SACS: variants seen among roughly 807,000 people sequenced by gnomAD.
SACS encodes the protein sacsin molecular chaperone, also known as sacsin.
SACS carries 197 observed loss-of-function variants against 348.0 expected under a neutral mutation model. That is an observed-to-expected ratio of 0.57 (90% CI 0.50 to 0.64). The LOEUF (loss-of-function observed/expected upper bound fraction) is 0.64. SACS is among the 30% of genes least tolerant of loss of function. The pLI is 0.00. For synonymous variants in SACS, 1,985 were observed against 1,910.6 expected, an observed-to-expected ratio of 1.04 and a Z score of -1.02; for missense variants, 4,999 against 5,360.8, an observed-to-expected ratio of 0.93 and a Z score of 2.11.
intron 9 of SACS, among the ~76,000 whole-genome samples, chr13:23,350,292 A>C (rs1231851103): frequency 6.6e-6 from 1 of 152,252 alleles, no homozygotes; most frequent in Non-Finnish European, 1.5e-5. Context: ...AAGTACAGAC[A>C]ATAAGACAAC....
intron 9 of SACS, among the ~76,000 whole-genome samples, chr13:23,345,741 A>G (rs1869557491): frequency 6.6e-6 from 1 of 152,220 alleles, no homozygotes; most frequent in South Asian, 2.1e-4. Context: ...TCACTATAAT[A>G]ATGACTTGGT....
chr13:23,383,371 C>G (rs1463804872), intron 2 of SACS, among the ~76,000 whole-genome samples: 1 of 152,176 alleles, frequency 6.6e-6, no homozygotes, highest in African/African-American at 2.4e-5. Flanking sequence ...CTCCTCCAAT[C>G]AACCCTTCAT....
chr13:23,346,853 A>G (rs926638858), intron 9 of SACS: 5 of 977,466 alleles, frequency 5.1e-6, no homozygotes, highest in Admixed American at 1.2e-4. Context: ...ATACAATTAA[A>G]TCCATTCTTA....
rs972665467 is a variant in SACS at position 23,375,535 on chromosome 13, G to C, written c.21-266C>G. On this transcript the variant is annotated intron_variant, in intron 2 of 9. Transcript: ENST00000382292. ...AACGCTAGAGGAAGCCGCGGCGGCC[G>C]AGGAGCAGGCGGGGGCGGGGACTGC... 3 of 1,074,908 alleles carry C rather than the reference G, an allele frequency of 2.8e-6. No homozygotes were observed. The African/African-American group carries it at 5.8e-5, about 21-fold the overall frequency. 66.6% of individuals were successfully genotyped at this position (1,074,908 alleles called of 1,614,324 possible). A position where few individuals can be genotyped will look rare whatever the true frequency, so the allele number is the denominator to read the frequency against.
intron 3 of SACS, among the ~76,000 whole-genome samples, chr13:23,371,380 CA>C (rs1871380913): frequency 6.6e-6 from 1 of 152,054 alleles, no homozygotes. Flanking sequence ...TCGTTAATTA[CA>C]AATAGATAAA....
chr13:23,337,170 G>A lies in SACS; in HGVS notation c.6706C>T (p.Pro2236Ser). The A allele has an allele frequency of 1.2e-6, 2 of 1,613,934 alleles. No homozygotes were observed. Among genetic ancestry groups the A allele is most frequent in the African/African-American group, 1.3e-5 (1 of 75,014 alleles). ...SLDWKGNSFKPETMFAATDLY... is the reference protein window; with the variant it reads ...SLDWKGNSFKSETMFAATDLY... ...TCAGTTGCTGCAAACATGGTTTCAG[G>A]CTTAAAACTGTTGCCTTTCCAGTCC... is the stretch of plus-strand genomic sequence containing the variant. The change falls in exon 10 of 10, where the codon CCT (proline) becomes TCT (serine). Residue 2236 changes from proline (P) to serine (S), a missense_variant. Pro to Ser is a moderately conservative substitution (Grantham distance 74, BLOSUM62 -1). Coordinates refer to ENST00000382292, the MANE Select transcript of SACS (RefSeq NM_014363.6).
Position 23,334,137 on chromosome 13 carries a change from C to G in SACS, c.9739G>C (p.Ala3247Pro), listed in dbSNP as rs1448477681. 6.2e-7 allele frequency: 1 copy of G among 1,613,880 alleles called. No individual in the cohort carries two copies. Among genetic ancestry groups the G allele is most frequent in the Non-Finnish European group, 8.5e-7 (1 of 1,179,840 alleles). The change falls in exon 10 of 10, where the codon GCA (alanine) becomes CCA (proline). Residue 3247 changes from alanine to proline, a missense_variant. This residue lies in a region of SACS where 734 missense variants were observed against 694.0 expected (regional missense o/e 1.06). Coordinates refer to ENST00000382292, the MANE Select transcript of SACS (RefSeq NM_014363.6). ...NFASESWLKNAWHFISESVSV... is the reference protein window; with the variant it reads ...NFASESWLKNPWHFISESVSV... ...ACAGATTCACTAATAAAATGCCATG[C>G]ATTCTTAAGCCAAGACTCACTTGCA...
chr13:23,390,667 A>G (rs556211515), intron 2 of SACS, among the ~76,000 whole-genome samples: 1 of 152,314 alleles, frequency 6.6e-6, no homozygotes, highest in East Asian at 1.9e-4. Flanking sequence ...GTCTCAGAAA[A>G]ATAAATAAGA....
Position 23,339,145 on chromosome 13 carries a change from G to C in SACS, c.4731C>G (p.Phe1577Leu), listed in dbSNP as rs759046442. Residue 1577 changes from phenylalanine to leucine, a missense_variant, in exon 10 of 10, where the codon TTC becomes TTG. Coordinates refer to ENST00000382292, the MANE Select transcript of SACS (RefSeq NM_014363.6). ...TDIPIIMSRE[F>L]MIMFDPNINH... The stretch of plus-strand genomic sequence containing the variant: ...TTATGTTTGGATCGAACATTATCAT[G>C]AATTCCCGACTCATAATGATGGGAA... The C allele has an allele frequency of 1.2e-6, 2 of 1,611,406 alleles. No individual in the cohort carries two copies. Among genetic ancestry groups the C allele is most frequent in the Non-Finnish European group, 1.7e-6 (2 of 1,178,326 alleles).
intron 9 of SACS, among the ~76,000 whole-genome samples, chr13:23,348,961 G>A (rs185247910): frequency 1.4e-5 from 2 of 147,006 alleles, no homozygotes; most frequent in East Asian, 1.9e-4. Context: ...AACAGAAGAG[G>A]GCAATTAGAA....
intron 9 of SACS, among the ~76,000 whole-genome samples, chr13:23,351,286 G>A (rs1012676701): frequency 1.3e-5 from 2 of 152,200 alleles, no homozygotes; most frequent in Non-Finnish European, 2.9e-5. Context: ...ATACCCATAT[G>A]ACTGGTTTAA....
chr13:23,372,254 A>G (rs1446653081), intron 3 of SACS, among the ~76,000 whole-genome samples: 1 of 152,230 alleles, frequency 6.6e-6, no homozygotes, highest in East Asian at 1.9e-4. Context: ...CTAGAGATGG[A>G]GACTAGCATG....
Position 23,371,179 on chromosome 13 carries a change from A to C in SACS, c.172-14T>G, listed in dbSNP as rs183886923. ...CCAGTCAGATAACTGAAAAAAAGCA[A>C]AAGAAAATGTATGAAAAGCAATACA... is the stretch of plus-strand genomic sequence containing the variant. On this transcript the variant is annotated splice_polypyrimidine_tract_variant and intron_variant, in intron 3 of 9. Coordinates refer to ENST00000382292, the MANE Select transcript of SACS (RefSeq NM_014363.6). 1 of 1,563,438 alleles carries C rather than the reference A, an allele frequency of 6.4e-7. No homozygotes were observed. The highest frequency in any genetic ancestry group is 1.4e-5 in the African/African-American group (1 of 73,902).
intron 2 of SACS, chr13:23,375,626 G>A (rs994025084): frequency 1.3e-4 from 124 of 943,764 alleles, no homozygotes; most frequent in East Asian, 3.2e-4. Context: ...CGCCGGGACC[G>A]TTAGCTGGGG....
At position 23,333,743 on chromosome 13, in the gene SACS, T is replaced by C. The variant is rs1368723713; in HGVS notation, c.10133A>G (p.Lys3378Arg). 1 of 1,613,850 alleles carries C rather than the reference T, an allele frequency of 6.2e-7. No homozygotes were observed. Among genetic ancestry groups the C allele is most frequent in the East Asian group, 2.2e-5 (1 of 44,882 alleles). The change falls in exon 10 of 10, where the codon AAA (lysine) becomes AGA (arginine). Residue 3378 changes from lysine to arginine, a missense_variant. Around this residue, in one of 6 missense-constraint regions of SACS, gnomAD observed 734 missense variants for 694.0 expected, o/e 1.06. Coordinates refer to ENST00000382292, the MANE Select transcript of SACS (RefSeq NM_014363.6). ...MVQTSTFRAEKLVENDFEALL... is the reference protein window; with the variant it reads ...MVQTSTFRAERLVENDFEALL... ...TGCCTCAAAATCATTTTCTACTAAT[T>C]TTTCTGCTCTAAATGTTGAAGTTTG...
At chr13:23,419,327 G>C (rs1355287531) in intron 1 of SACS, 8 of 152,500 alleles carry the variant, frequency 5.2e-5, no homozygotes, top group Non-Finnish European at 8.8e-5. Context: ...GTAAGCTCGG[G>C]ACCAACATGG....
At position 23,355,120 on chromosome 13, in the gene SACS, T is replaced by A; in HGVS notation, c.1492A>T (p.Met498Leu). ...PAALWNEFLV[M>L]NVVPKAYATL... ...GCATAAGCTTTGGGGACAACATTCA[T>A]GACAAGAAACTCATTCCATAAGGCT... Residue 498 changes from methionine to leucine, a missense_variant, in exon 8 of 10, where the codon ATG becomes TTG. Met to Leu is a conservative substitution (Grantham distance 15). Transcript: ENST00000382292. 6.2e-7 allele frequency: 1 copy of A among 1,614,186 alleles called. No homozygotes were observed. The highest frequency in any genetic ancestry group is 8.5e-7 in the Non-Finnish European group (1 of 1,180,030).
chr13:23,418,357 T>C (rs994770583), intron 1 of SACS, among the ~76,000 whole-genome samples: 20 of 152,200 alleles, frequency 1.3e-4, no homozygotes, highest in African/African-American at 4.6e-4. Context: ...TTCAACTTAA[T>C]TTTTACTGTT....
intron 9 of SACS, among the ~76,000 whole-genome samples, chr13:23,342,209 T>G (rs1324545199): frequency 6.6e-6 from 1 of 152,222 alleles, no homozygotes; most frequent in African/African-American, 2.4e-5. Flanking sequence ...CAATAACCTG[T>G]GACAAAAATA....
Sources: allele counts gnomAD v4.1 joint callset (sites outside exome capture counted in the v4.1 genomes callset), GRCh38; gene constraint gnomAD v4.1.1; regional missense constraint gnomAD v4.1.1; transcripts MANE v1.5; gene names NCBI Gene and HGNC (gene_info 2026-07-23, HGNC 2026-07-21).